The following CASR variants were observed in gnomAD, a reference collection of about 807,000 sequenced individuals.
The protein encoded by CASR is calcium sensing receptor.
A neutral mutation model predicts 69.1 loss-of-function variants in CASR; 23 were observed. The observed-to-expected ratio is 0.33, with a 90% CI of 0.24 to 0.47. CASR has a LOEUF of 0.47. CASR is among the 20% of genes least tolerant of loss of function. The pLI, the probability that CASR is intolerant of heterozygous loss-of-function variation, is 1.00. For missense variants in CASR, 924 were observed against 1,356.1 expected (o/e 0.68, Z 5.00); for synonymous variants, 541 against 544.7 (o/e 0.99, Z 0.10).
At chr3:122,232,741 G>A (rs537968808) in intron 1 of CASR, among the ~76,000 whole-genome samples, 100 of 152,226 alleles carry the variant, frequency 6.6e-4, no homozygotes, top group African/African-American at 2.2e-3. Flanking sequence ...AGATGATCTC[G>A]AAAGCCCTTT....
chr3:122,253,996 G>T lies in CASR; in HGVS notation c.-194G>T. The T allele has an allele frequency of 1.5e-6, 1 of 653,588 alleles. No homozygotes were observed. Among genetic ancestry groups the T allele is most frequent in the Non-Finnish European group, 2.7e-6 (1 of 364,608 alleles). 40.5% of individuals were successfully genotyped at this position (653,588 alleles called of 1,614,324 possible). ...ATGATGTGGCTTCCAAAGACTCAAG[G>T]ACCACCCACATTACAAGTCTGGATT... On this transcript the variant is annotated 5_prime_UTR_variant, in exon 2 of 7. Transcript: ENST00000639785.
At chr3:122,246,398 C>T (rs1474687119) in intron 1 of CASR, 1 of 152,186 alleles carries the variant, frequency 6.6e-6, no homozygotes, top group Non-Finnish European at 1.5e-5. Flanking sequence ...AAATAATGCA[C>T]ACGTAATGTT....
intron 1 of CASR, among the ~76,000 whole-genome samples, chr3:122,237,636 AACTC>A (rs2074340903): frequency 3.3e-5 from 5 of 152,382 alleles, no homozygotes; most frequent in Middle Eastern, 6.8e-3. Flanking sequence ...AAGTGAAAGA[AACTC>A]AGAAGATTAC....
chr3:122,230,966 T>A (rs183406179), intron 1 of CASR, among the ~76,000 whole-genome samples: 1 of 152,364 alleles, frequency 6.6e-6, no homozygotes, highest in East Asian at 1.9e-4. Flanking sequence ...CAGGGATTTG[T>A]GCATTTGACA....
At chr3:122,236,011 A>T (rs945014183) in intron 1 of CASR, among the ~76,000 whole-genome samples, 1 of 152,184 alleles carries the variant, frequency 6.6e-6, no homozygotes, top group African/African-American at 2.4e-5. Context: ...ACAAGTTCCC[A>T]AGTGATGGTG....
chr3:122,284,895 G>A lies in CASR; in HGVS notation c.2941G>A (p.Glu981Lys), dbSNP rs2074949224. The change falls in exon 7 of 7, where the codon GAG (glutamate) becomes AAG (lysine). Residue 981 changes from glutamate (E) to lysine (K), a missense_variant. This residue lies in a region of CASR where 201 missense variants were observed against 228.8 expected (regional missense o/e 0.88). Transcript: ENST00000639785. ...GTVTFSLSFD[E>K]PQKNAMAHRN... is the part of the protein sequence containing the mutation. ...GGTCACCTTCTCACTGAGCTTTGAT[G>A]AGCCTCAGAAGAACGCCATGGCCCA... 3.1e-6 allele frequency: 5 copies of A among 1,614,202 alleles called. No homozygotes were observed. Among genetic ancestry groups the A allele is most frequent in the Non-Finnish European group, 3.4e-6 (4 of 1,180,018 alleles).
chr3:122,225,562 A>T (rs1395563616), intron 1 of CASR, among the ~76,000 whole-genome samples: 4 of 151,798 alleles, frequency 2.6e-5, no homozygotes, highest in Non-Finnish European at 1.5e-5. Context: ...TCCAAAAAAA[A>T]AAAAAAAAAA....
At chr3:122,280,319 C>A (rs936525166) in intron 5 of CASR, among the ~76,000 whole-genome samples, 3 of 152,194 alleles carry the variant, frequency 2.0e-5, no homozygotes, top group African/African-American at 7.2e-5. Flanking sequence ...CCGCTCTCAC[C>A]ACTCTTATTC....
chr3:122,269,053 T>C (rs2074725087), intron 4 of CASR, among the ~76,000 whole-genome samples: 1 of 152,252 alleles, frequency 6.6e-6, no homozygotes, highest in African/African-American at 2.4e-5. Flanking sequence ...GTAGGCCTCC[T>C]AAGAATCTTT....
intron 1 of CASR, among the ~76,000 whole-genome samples, chr3:122,251,366 C>T (rs922806181): frequency 3.3e-5 from 5 of 152,178 alleles, no homozygotes; most frequent in African/African-American, 1.2e-4. Flanking sequence ...GGGAAGTCCT[C>T]CTTCAAAAGC....
intron 2 of CASR, 51 bp downstream of exon 2, chr3:122,254,425 G>A (rs762859143): frequency 1.5e-5 from 23 of 1,554,156 alleles, no homozygotes; most frequent in Non-Finnish European, 2.0e-5. Context: ...AGTGGTTGGA[G>A]AAAAGCTGCA....
intron 1 of CASR, among the ~76,000 whole-genome samples, chr3:122,238,676 G>A (rs1252032799): frequency 1.3e-5 from 2 of 152,144 alleles, no homozygotes; most frequent in African/African-American, 4.8e-5. Context: ...CCTTCCTTCT[G>A]CTTAAGGAGA....
intron 1 of CASR, among the ~76,000 whole-genome samples, chr3:122,214,518 G>T (rs1381109801): frequency 1.3e-5 from 2 of 152,184 alleles, no homozygotes; most frequent in African/African-American, 2.4e-5. Context: ...TCAGTGAGGA[G>T]GTGGGATGGA....
intron 4 of CASR, among the ~76,000 whole-genome samples, chr3:122,268,608 C>T (rs2107637880): frequency 6.6e-6 from 1 of 152,326 alleles, no homozygotes; most frequent in Non-Finnish European, 1.5e-5. Flanking sequence ...ACACAGCCAA[C>T]CAGGTTGGAG....
At chr3:122,193,222 G>A (rs2073855999) in intron 1 of CASR, among the ~76,000 whole-genome samples, 1 of 143,742 alleles carries the variant, frequency 7.0e-6, no homozygotes, top group Admixed American at 7.0e-5. Flanking sequence ...TTGTTTGTTT[G>A]TTTGTTTGTT....
At chr3:122,184,687 G>A (rs796771667) in intron 1 of CASR, among the ~76,000 whole-genome samples, 42 of 152,352 alleles carry the variant, frequency 2.8e-4, no homozygotes, top group African/African-American at 9.6e-4. Context: ...GGGGAAAGTA[G>A]GGACCAGATT....
chr3:122,279,930 T>G (rs957051918), intron 5 of CASR, among the ~76,000 whole-genome samples: 2 of 152,118 alleles, frequency 1.3e-5, no homozygotes, highest in African/African-American at 4.8e-5. Flanking sequence ...ATGCACTAGC[T>G]CTTTTCCCTA....
At chr3:122,191,614 C>T (rs1420776467) in intron 1 of CASR, among the ~76,000 whole-genome samples, 3 of 151,916 alleles carry the variant, frequency 2.0e-5, no homozygotes, top group East Asian at 1.9e-4. Flanking sequence ...GCCTGGCCAA[C>T]GTTTAAAATA....
At position 122,262,375 on chromosome 3, in the gene CASR, G is replaced by A. The variant is rs141315218; in HGVS notation, c.1340G>A (p.Gly447Asp). The A allele has an allele frequency of 1.9e-6, 3 of 1,613,564 alleles. No individual in the cohort carries two copies. The African/African-American group carries it at 4.0e-5, about 22-fold the overall frequency. Reference sequence around the variant, plus strand: ...CCTGGGAGAGGGCTCTTCACCAATGGCTCCTGTGCAGACATCAAGAAAGTT... The same window carrying A: ...CCTGGGAGAGGGCTCTTCACCAATGACTCCTGTGCAGACATCAAGAAAGTT... ...CLPGRGLFTN[G>D]SCADIKKVEA... The change falls in exon 4 of 7, where the codon GGC becomes GAC. Residue 447 changes from glycine (G) to aspartate (D), a missense_variant. Gly to Asp is a moderately conservative substitution (Grantham distance 94). This residue lies in a region of CASR where 310 missense variants were observed against 395.7 expected (regional missense o/e 0.78). Transcript: ENST00000639785.
Sources: gnomAD v4.1 joint callset for allele counts (sites outside exome capture counted in the v4.1 genomes callset) on GRCh38, gnomAD v4.1.1 for gene constraint, gnomAD v4.1.1 regional missense constraint, MANE v1.5 for transcripts, NCBI Gene and HGNC (gene_info 2026-07-23, HGNC 2026-07-21) for gene names.